Variants in LINC00305 observed in about 807,000 individuals in gnomAD.
LINC00305 encodes the protein long independently transcribed non-coding RNA 305, also known as long intergenic non-protein coding RNA 305.
chr18:64,081,419 A>G (rs576164402), intron 3 of LINC00305, among the ~76,000 whole-genome samples: 5 of 152,338 alleles, frequency 3.3e-5, no homozygotes, highest in African/African-American at 1.2e-4. Flanking sequence ...ACAAGAATCA[A>G]TCCTCAGGCA....
intron 1 of LINC00305, among the ~76,000 whole-genome samples, chr18:64,136,822 C>T (rs763255036): frequency 3.5e-4 from 53 of 152,248 alleles, no homozygotes; most frequent in Non-Finnish European, 5.9e-4. Flanking sequence ...AGGGAAGTAA[C>T]GCAGCCTGAG....
intron 3 of LINC00305, among the ~76,000 whole-genome samples, chr18:64,088,482 A>G (rs945178823): frequency 5.3e-5 from 8 of 152,232 alleles, no homozygotes; most frequent in Non-Finnish European, 1.2e-4. Context: ...TCTTTAGTGC[A>G]ATGCACAAAA....
intron 1 of LINC00305, among the ~76,000 whole-genome samples, chr18:64,098,877 A>T (rs1568106418): frequency 6.6e-6 from 1 of 152,154 alleles, no homozygotes; most frequent in East Asian, 1.9e-4. Flanking sequence ...TGACAAAAAT[A>T]TTGGGTAGGG....
chr18:64,137,624 T>C (rs1317008711), intron 1 of LINC00305, among the ~76,000 whole-genome samples: 1 of 152,148 alleles, frequency 6.6e-6, no homozygotes, highest in Non-Finnish European at 1.5e-5. Context: ...AATTCCGAAG[T>C]TGGGGTTGGT....
At chr18:64,141,934 G>A (rs943240408) in intron 1 of LINC00305, among the ~76,000 whole-genome samples, 6 of 152,136 alleles carry the variant, frequency 3.9e-5, no homozygotes, top group East Asian at 3.8e-4. Flanking sequence ...TTAATCTTAC[G>A]ATCTTGAAAA....
At chr18:64,143,496 T>TAA (rs1282420263) in intron 1 of LINC00305, among the ~76,000 whole-genome samples, 4 of 149,798 alleles carry the variant, frequency 2.7e-5, no homozygotes, top group Non-Finnish European at 1.5e-5. Context: ...TGTGTGTGTA[T>TAA]ATATATATGT....
At chr18:64,126,512 C>T (rs779071537) in intron 1 of LINC00305, among the ~76,000 whole-genome samples, 8 of 152,080 alleles carry the variant, frequency 5.3e-5, no homozygotes, top group Non-Finnish European at 8.8e-5. Flanking sequence ...CATAGGCTCT[C>T]GCTCAGCCTC....
chr18:64,137,412 A>G (rs957974631), intron 1 of LINC00305, among the ~76,000 whole-genome samples: 2 of 152,200 alleles, frequency 1.3e-5, no homozygotes, highest in African/African-American at 4.8e-5. Flanking sequence ...ATTGCAACAG[A>G]TGTGGCACTT....
At position 64,114,345 on chromosome 18, in the gene LINC00305, G is replaced by C. The variant is rs562525520; in HGVS notation, n.315-15705C>G. On this transcript the variant is annotated intron_variant and non_coding_transcript_variant, in intron 1 of 3. Transcript: ENST00000666468. ...GGAATGTCTTCTGAATTCTACTTTG[G>C]GGGAGGAGACGGGTGCCTCAATTCC... Among the ~76,000 whole-genome samples, 7 of 152,266 alleles carry C rather than the reference G, an allele frequency of 4.6e-5. 1 individual carries two copies. Among genetic ancestry groups the C allele is most frequent in the South Asian group, 4.1e-4 (2 of 4,820 alleles).
At chr18:64,125,697 A>G (rs1163992716) in intron 1 of LINC00305, among the ~76,000 whole-genome samples, 2 of 151,998 alleles carry the variant, frequency 1.3e-5, no homozygotes, top group Non-Finnish European at 2.9e-5. Context: ...AGTGAGTCTG[A>G]TACTTATTAC....
intron 1 of LINC00305, among the ~76,000 whole-genome samples, chr18:64,102,482 T>A (rs1327706658): frequency 6.6e-6 from 1 of 152,146 alleles, no homozygotes; most frequent in Non-Finnish European, 1.5e-5. Context: ...TAAAATATAA[T>A]GGCATTTTAA....
intron 1 of LINC00305, among the ~76,000 whole-genome samples, chr18:64,135,672 A>G (rs964122002): frequency 1.3e-5 from 2 of 151,648 alleles, no homozygotes; most frequent in Non-Finnish European, 2.9e-5. Context: ...TGCAGCCTCC[A>G]CCTCCCGGGT....
rs58215196 is a variant in LINC00305 at position 64,118,824 on chromosome 18, CTGTGTGTGTGTG to C, written n.315-20196_315-20185del. Among the ~76,000 whole-genome samples the C allele has an allele frequency of 2.6e-3, 370 of 144,462 alleles. 3 individuals are homozygous for C. The highest frequency in any genetic ancestry group is 0.023 in the East Asian group (111 of 4,768). The allele number at this position is 144,462 out of a possible 152,430, so 94.8% of individuals were successfully genotyped here. On this transcript the variant is annotated intron_variant and non_coding_transcript_variant, in intron 1 of 3. Coordinates refer to ENST00000666468, the Ensembl canonical transcript of LINC00305. ...CCTACTTGATCAAGACCCTGGGGGT[CTGTGTGTGTGTG>C]TGTGTGTGTGTGTGTGTGTGTGTGT...
intron 3 of LINC00305, among the ~76,000 whole-genome samples, chr18:64,085,980 A>G (rs561238877): frequency 6.6e-6 from 1 of 152,228 alleles, no homozygotes; most frequent in Non-Finnish European, 1.5e-5. Flanking sequence ...GCAGTTGTCC[A>G]TAGCATTTCA....
At chr18:64,114,419 A>G (rs994221196) in intron 1 of LINC00305, among the ~76,000 whole-genome samples, 2 of 152,182 alleles carry the variant, frequency 1.3e-5, no homozygotes, top group Non-Finnish European at 2.9e-5. Flanking sequence ...CTAAATGGAC[A>G]TTCCGGGTGT....
intron 1 of LINC00305, among the ~76,000 whole-genome samples, chr18:64,108,773 T>C (rs4941244): frequency 0.25 from 38,067 of 152,088 alleles, 5,000 homozygotes; most frequent in Admixed American, 0.28. Flanking sequence ...TACAGTTGGC[T>C]CCAATACATA....
intron 1 of LINC00305, among the ~76,000 whole-genome samples, chr18:64,104,512 C>A (rs1304259663): frequency 6.6e-6 from 1 of 152,190 alleles, no homozygotes; most frequent in Non-Finnish European, 1.5e-5. Flanking sequence ...CTTGCCTTCA[C>A]GTGCTGGCAT....
intron 3 of LINC00305, among the ~76,000 whole-genome samples, chr18:64,095,298 A>T (rs2144898197): frequency 6.6e-6 from 1 of 152,340 alleles, no homozygotes; most frequent in South Asian, 2.1e-4. Flanking sequence ...AACAGCCAAC[A>T]GGAGGCCTGT....
intron 1 of LINC00305, among the ~76,000 whole-genome samples, chr18:64,143,578 ATATG>A (rs2051477320): frequency 9.9e-5 from 10 of 101,486 alleles, no homozygotes; most frequent in Non-Finnish European, 2.0e-4. Context: ...ACACATATGT[ATATG>A]TACATATGTA....
Sources: gnomAD v4.1 joint callset for allele counts (sites outside exome capture counted in the v4.1 genomes callset) on GRCh38, gnomAD v4.1.1 for gene constraint, MANE v1.5 for transcripts, NCBI Gene and HGNC (gene_info 2026-07-23, HGNC 2026-07-21) for gene names.